Variants in PIEZO2 observed in about 807,000 individuals in gnomAD.
PIEZO2 encodes the protein piezo-type mechanosensitive ion channel component 2.
A neutral mutation model predicts 337.3 loss-of-function variants in PIEZO2; 172 were observed. The ratio of observed to expected loss-of-function variants is 0.51; its 90% confidence interval spans 0.45 to 0.58. The LOEUF (loss-of-function observed/expected upper bound fraction) is 0.58, where lower values mean the gene tolerates loss of function less well. Among genes scored for constraint, PIEZO2 ranks in the 20% least tolerant of loss-of-function variants. The probability of loss-of-function intolerance (pLI) is 0.00; values close to 1 mark genes in which losing one functional copy is unlikely to be tolerated. For synonymous variants in PIEZO2, 1,251 were observed against 1,228.5 expected (o/e 1.02, Z -0.38); for missense variants, 3,028 against 3,391.3 (o/e 0.89, Z 2.66).
At chr18:11,119,628 T>A (rs905241073) in intron 1 of PIEZO2, among the ~76,000 whole-genome samples, 1 of 151,998 alleles carries the variant, frequency 6.6e-6, no homozygotes, top group Non-Finnish European at 1.5e-5. Context: ...GGGTTTAGAG[T>A]AGGGACGAGG....
At position 10,894,460 on chromosome 18, in the gene PIEZO2, A is replaced by G. The variant is rs758140542; in HGVS notation, c.329+16726T>C. On this transcript the variant is annotated intron_variant, in intron 4 of 55. Transcript: ENST00000674853. The surrounding 1 kb of genome is among the most constrained non-coding windows in gnomAD (Gnocchi z 4.1). ...TAAGAGCAAAACTCCGTCCCAAAAA[A>G]AGAAAAAAAAGGCAAAATAGCAGAG... is the stretch of plus-strand genomic sequence containing the variant. 2 of 152,214 alleles carry G rather than the reference A, an allele frequency of 1.3e-5. No individual in the cohort carries two copies. The highest frequency in any genetic ancestry group is 2.9e-5 in the Non-Finnish European group (2 of 68,068). 9.4% of individuals were successfully genotyped at this position (152,214 alleles called of 1,614,324 possible).
At chr18:10,977,759 C>T (rs1301168038) in intron 3 of PIEZO2, among the ~76,000 whole-genome samples, 1 of 152,134 alleles carries the variant, frequency 6.6e-6, no homozygotes, top group Non-Finnish European at 1.5e-5. Flanking sequence ...AGTATTGATA[C>T]ATGCTACAAC....
chr18:10,727,064 A>G lies in PIEZO2; in HGVS notation c.5029+4343T>C, dbSNP rs569600085. On this transcript the variant is annotated intron_variant, in intron 36 of 55. Transcript: ENST00000674853. This position sits in a 1 kb window ranked among gnomAD's most constrained non-coding sequence, Gnocchi z 6.3. ...TCTTGGGGGGTGTTGGGAGGGCAGGAGCATTCCTTGAGAAGGAGTGGCAAC... is the reference window on the plus strand; with the variant it reads ...TCTTGGGGGGTGTTGGGAGGGCAGGGGCATTCCTTGAGAAGGAGTGGCAAC... The G allele has an allele frequency of 2.0e-5, 11 of 551,684 alleles. No individual in the cohort carries two copies. In the South Asian group the frequency reaches 3.3e-4, roughly 16 times the overall value. 34.2% of individuals were successfully genotyped at this position (551,684 alleles called of 1,614,324 possible). A position where few individuals can be genotyped will look rare whatever the true frequency, so the allele number is the denominator to read the frequency against.
Position 10,773,692 on chromosome 18 carries a change from G to T in PIEZO2, c.2568-63C>A. The stretch of plus-strand genomic sequence containing the variant: ...GTGTTGGGAGAGATTTGACTGAGGG[G>T]CAAGTAAAAGGAGGATAAACACAAA... On this transcript the variant is annotated intron_variant, in intron 19 of 55. Transcript: ENST00000674853. This position sits in a 1 kb window ranked among gnomAD's most constrained non-coding sequence, Gnocchi z 5.3. The T allele has an allele frequency of 7.0e-7, 1 of 1,427,128 alleles. No individual in the cohort carries two copies. The allele number at this position is 1,427,128 out of a possible 1,614,324, so 88.4% of individuals were successfully genotyped here.
rs1416904962 is a variant in PIEZO2, at chr18:10,830,920, A to T, written c.918-23646T>A. ...GAAGACATACAAATGGCAAACAGGC[A>T]TATGCAAAAGTGCTTAGCATAATTT... On this transcript the variant is annotated intron_variant, in intron 7 of 55. Coordinates refer to ENST00000674853, the MANE Select transcript of PIEZO2 (RefSeq NM_001378183.1). This position sits in a 1 kb window ranked among gnomAD's most constrained non-coding sequence, Gnocchi z 4.7. 4.6e-5 allele frequency among the ~76,000 whole-genome samples: 7 copies of T among 152,246 alleles called. No individual in the cohort carries two copies. Among genetic ancestry groups the T allele is most frequent in the Non-Finnish European group, 8.8e-5 (6 of 68,044 alleles).
intron 4 of PIEZO2, among the ~76,000 whole-genome samples, chr18:10,910,358 G>C (rs1182511927): frequency 1.3e-5 from 2 of 152,198 alleles, no homozygotes; most frequent in African/African-American, 4.8e-5. Context: ...CGAGCTGGGC[G>C]GATCACCTGA....
intron 3 of PIEZO2, among the ~76,000 whole-genome samples, chr18:10,925,215 C>G (rs1480507607): frequency 2.0e-5 from 3 of 152,132 alleles, no homozygotes; most frequent in Non-Finnish European, 4.4e-5. Flanking sequence ...ATTTTGATTT[C>G]AAGTACCATA....
intron 41 of PIEZO2, among the ~76,000 whole-genome samples, chr18:10,705,104 T>C (rs2035520717): frequency 6.6e-6 from 1 of 152,308 alleles, no homozygotes. Context: ...GACCTTATTA[T>C]AGAAAGAAAT....
At chr18:10,897,592 G>A (rs1216259894) in intron 4 of PIEZO2, among the ~76,000 whole-genome samples, 1 of 152,092 alleles carries the variant, frequency 6.6e-6, no homozygotes, top group Non-Finnish European at 1.5e-5. Context: ...CATGAGTGTG[G>A]GGCCTCCTCA....
Position 10,704,488 on chromosome 18 carries a change from G to A in PIEZO2, c.6164C>T (p.Thr2055Met), listed in dbSNP as rs1005911734. ...GAAGATGAGGATGGGAAGCAGGAGCGTGATCATGGAGGCAGAGACCATGTG... is the reference window on the plus strand; with the variant it reads ...GAAGATGAGGATGGGAAGCAGGAGCATGATCATGGAGGCAGAGACCATGTG... ...LNHMVSASMITLLLPILIFLW... is the reference protein window; with the variant it reads ...LNHMVSASMIMLLLPILIFLW... Residue 2055 changes from threonine (T) to methionine (M), a missense_variant, in exon 42 of 56, where the codon ACG becomes ATG. Thr to Met is a moderately conservative substitution (Grantham distance 81). Coordinates refer to ENST00000674853, the MANE Select transcript of PIEZO2 (RefSeq NM_001378183.1). The A allele has an allele frequency of 1.2e-5, 19 of 1,537,130 alleles. No homozygotes were observed. The highest frequency in any genetic ancestry group is 4.9e-5 in the East Asian group (2 of 40,914).
intron 2 of PIEZO2, among the ~76,000 whole-genome samples, chr18:11,055,898 C>T (rs2145872341): frequency 6.6e-6 from 1 of 152,334 alleles, no homozygotes; most frequent in East Asian, 1.9e-4. Flanking sequence ...GGTCCCACCA[C>T]CTCTATGCTG....
intron 36 of PIEZO2, among the ~76,000 whole-genome samples, chr18:10,722,828 C>A (rs1233272732): frequency 6.6e-6 from 1 of 152,052 alleles, no homozygotes; most frequent in Non-Finnish European, 1.5e-5. Flanking sequence ...TTTCCATAGA[C>A]AAGTCCTGGA....
At chr18:10,697,720 C>T (rs1465795000) in intron 45 of PIEZO2, 28 bp downstream of exon 45, 11 of 1,608,854 alleles carry the variant, frequency 6.8e-6, no homozygotes, top group Non-Finnish European at 9.3e-6. Context: ...CAATAAAGCA[C>T]ACATGCCATA....
Position 10,892,455 on chromosome 18 carries a change from T to C in PIEZO2, c.329+18731A>G, listed in dbSNP as rs1406874807. Among the ~76,000 whole-genome samples, 4 of 152,122 alleles carry C rather than the reference T, an allele frequency of 2.6e-5. No homozygotes were observed. The East Asian group carries it at 5.8e-4, about 22-fold the overall frequency. On this transcript the variant is annotated intron_variant, in intron 4 of 55. Coordinates refer to ENST00000674853, the MANE Select transcript of PIEZO2 (RefSeq NM_001378183.1). ...GCCAGAGAAAGAAAAATCAGATCAG[T>C]GGTTGCCACGGGCTGGGGGAAGAGG...
intron 10 of PIEZO2, 142 bp downstream of exon 10, chr18:10,801,248 C>T (rs2039803968): frequency 1.6e-6 from 1 of 607,874 alleles, no homozygotes; most frequent in South Asian, 2.8e-5. Flanking sequence ...CAGCAATCTA[C>T]CAGATATAAT....
intron 30 of PIEZO2, 112 bp from the exon 31 acceptor site, chr18:10,744,343 G>A: frequency 1.4e-6 from 1 of 692,444 alleles, no homozygotes; most frequent in Non-Finnish European, 2.4e-6. Flanking sequence ...AATGGCAGCT[G>A]CTTGTAGTTT....
Position 10,699,036 on chromosome 18 carries a change from A to T in PIEZO2, c.6583T>A (p.Ser2195Thr), listed in dbSNP as rs1302772789. The T allele has an allele frequency of 5.2e-6, 8 of 1,536,964 alleles. No individual in the cohort carries two copies. The highest frequency in any genetic ancestry group is 2.4e-5 in the East Asian group (1 of 40,900). The stretch of plus-strand genomic sequence containing the variant: ...TGCTCCGGGAAGGTCACATGCACTG[A>T]CTCCACAGACGCGGCCAGGTTGATG... ...KSINLAASVE[S>T]VHVTFPEQQT... The change falls in exon 44 of 56, where the codon TCA becomes ACA. Residue 2195 changes from serine to threonine, a missense_variant. Ser to Thr is a moderately conservative substitution (Grantham distance 58). Transcript: ENST00000674853.
Position 10,807,294 on chromosome 18 carries a change from A to T in PIEZO2, c.918-20T>A. Reference sequence around the variant, plus strand: ...AACAACCTGTTAAAAAACAAAGAAAAATGCTTAAAAGATGCAATAAGCTAT... The same window carrying T: ...AACAACCTGTTAAAAAACAAAGAAATATGCTTAAAAGATGCAATAAGCTAT... On this transcript the variant is annotated intron_variant, in intron 7 of 55. Coordinates refer to ENST00000674853, the MANE Select transcript of PIEZO2 (RefSeq NM_001378183.1). The T allele has an allele frequency of 6.5e-7, 1 of 1,528,504 alleles. No homozygotes were observed. The highest frequency in any genetic ancestry group is 8.8e-7 in the Non-Finnish European group (1 of 1,140,532). The allele number at this position is 1,528,504 out of a possible 1,614,324, so 94.7% of individuals were successfully genotyped here. A position where few individuals can be genotyped will look rare whatever the true frequency, so the allele number is the denominator to read the frequency against.
Position 11,028,773 on chromosome 18 carries a change from C to T in PIEZO2, c.160+37354G>A, listed in dbSNP as rs1161645448. Among the ~76,000 whole-genome samples the T allele has an allele frequency of 6.6e-6, 1 of 152,138 alleles. No individual in the cohort carries two copies. The highest frequency in any genetic ancestry group is 1.5e-5 in the Non-Finnish European group (1 of 68,024). On this transcript the variant is annotated intron_variant, in intron 2 of 55. Transcript: ENST00000674853. The surrounding 1 kb of genome is among the most constrained non-coding windows in gnomAD (Gnocchi z 4.8). Reference sequence around the variant, plus strand: ...TAATACATGGCCAGCCAGCGTTGGCCATGGTGCTGTGCAGCTCATCAGGAT... The same window carrying T: ...TAATACATGGCCAGCCAGCGTTGGCTATGGTGCTGTGCAGCTCATCAGGAT...
Sources: allele counts gnomAD v4.1 joint callset (sites outside exome capture counted in the v4.1 genomes callset), GRCh38; gene constraint gnomAD v4.1.1; non-coding constraint Gnocchi (gnomAD v3.1); transcripts MANE v1.5; gene names NCBI Gene and HGNC (gene_info 2026-07-23, HGNC 2026-07-21).